MMP16: variants seen among roughly 807,000 people sequenced by gnomAD.
MMP16 encodes the protein matrix metallopeptidase 16, also known as matrix metalloproteinase-16.
In MMP16, 12 loss-of-function variants were observed where a neutral mutation model predicts 67.8. The observed-to-expected ratio is 0.18, with a 90% CI of 0.11 to 0.29. The LOEUF is 0.29. Among genes scored for constraint, MMP16 ranks in the 10% least tolerant of loss-of-function variants. The probability of loss-of-function intolerance (pLI) is 1.00; values close to 1 mark genes in which losing one functional copy is unlikely to be tolerated. For synonymous variants in MMP16, 249 were observed against 255.9 expected, an observed-to-expected ratio of 0.97 and a Z score of 0.26; for missense variants, 475 against 765.7, an observed-to-expected ratio of 0.62 and a Z score of 4.48.
At chr8:88,205,700 T>C (rs1809415410) in intron 1 of MMP16, among the ~76,000 whole-genome samples, 1 of 152,194 alleles carries the variant, frequency 6.6e-6, no homozygotes, top group Non-Finnish European at 1.5e-5. Flanking sequence ...TTTCTTACTA[T>C]AGTCTCAAGG....
At chr8:88,286,345 T>C (rs1397627320) in intron 1 of MMP16, among the ~76,000 whole-genome samples, 1 of 152,190 alleles carries the variant, frequency 6.6e-6, no homozygotes, top group African/African-American at 2.4e-5. Context: ...TTGGCTTTGG[T>C]TACCTCCTGA....
Position 88,033,455 on chromosome 8 carries a change from G to A in MMP16, c.*8006C>T, listed in dbSNP as rs1808011906. On this transcript the variant is annotated 3_prime_UTR_variant, in exon 10 of 10. Transcript: ENST00000286614. ...ACGTTTTAAAATATCTTAAAGATAG[G>A]TTACTATACTGATGAAGCAGGCAAG... is the stretch of plus-strand genomic sequence containing the variant. The A allele has an allele frequency of 6.6e-6, 1 of 151,604 alleles. No individual in the cohort carries two copies. Among genetic ancestry groups the A allele is most frequent in the African/African-American group, 2.4e-5 (1 of 41,318 alleles). The allele number at this position is 151,604 out of a possible 1,614,324, so 9.4% of individuals were successfully genotyped here.
chr8:88,220,093 A>G (rs1011542593), intron 1 of MMP16, among the ~76,000 whole-genome samples: 3 of 152,142 alleles, frequency 2.0e-5, no homozygotes, highest in African/African-American at 7.2e-5. Flanking sequence ...GCATTATATC[A>G]GTTAACTGAT....
At position 88,237,675 on chromosome 8, in the gene MMP16, C is replaced by CAA. The variant is rs1350446170; in HGVS notation, c.133-40371_133-40370dup. 6.7e-4 allele frequency among the ~76,000 whole-genome samples: 6 copies of CAA among 8,952 alleles called. No homozygotes were observed. The Non-Finnish European group carries it at 0.024, about 36-fold the overall frequency. The allele number at this position is 8,952 out of a possible 152,430, so 5.9% of individuals were successfully genotyped here. On this transcript the variant is annotated intron_variant, in intron 1 of 9. Coordinates refer to ENST00000286614, the MANE Select transcript of MMP16 (RefSeq NM_005941.5). ...AAAAACAGAACAACAACAACAACAACAACAACAAAAAACAACTGCATCTTG... is the reference window on the plus strand; with the variant it reads ...AAAAACAGAACAACAACAACAACAACAAAACAACAAAAAACAACTGCATCTTG...
intron 3 of MMP16, among the ~76,000 whole-genome samples, chr8:88,185,361 A>C (rs2129751106): frequency 6.6e-6 from 1 of 152,264 alleles, no homozygotes; most frequent in Middle Eastern, 3.4e-3. Context: ...TGGGAGGCTA[A>C]GGCAGGAGAA....
intron 6 of MMP16, among the ~76,000 whole-genome samples, chr8:88,114,309 G>T (rs1809392929): frequency 6.6e-6 from 1 of 151,096 alleles, no homozygotes; most frequent in African/African-American, 2.4e-5. Flanking sequence ...ACTTATTGCT[G>T]TACCACCCAC....
At chr8:88,081,892 CAG>C (rs1490882727) in intron 6 of MMP16, among the ~76,000 whole-genome samples, 1 of 152,072 alleles carries the variant, frequency 6.6e-6, no homozygotes, top group African/African-American at 2.4e-5. Context: ...AGCATGTATA[CAG>C]TAGCTGTTTT....
At chr8:88,114,312 C>T (rs1249440582) in intron 6 of MMP16, among the ~76,000 whole-genome samples, 3 of 151,630 alleles carry the variant, frequency 2.0e-5, no homozygotes, top group Non-Finnish European at 4.4e-5. Context: ...TATTGCTGTA[C>T]CACCCACTTC....
At chr8:88,253,869 T>A (rs1182549907) in intron 1 of MMP16, among the ~76,000 whole-genome samples, 1 of 151,910 alleles carries the variant, frequency 6.6e-6, no homozygotes, top group Admixed American at 6.6e-5. Flanking sequence ...AGAGACATGG[T>A]CTCACTGTTG....
At chr8:88,059,488 C>G (rs77621483) in intron 7 of MMP16, among the ~76,000 whole-genome samples, 1 of 151,946 alleles carries the variant, frequency 6.6e-6, no homozygotes, top group African/African-American at 2.4e-5. Flanking sequence ...ATCTGAATAC[C>G]TTTCTTATTT....
intron 1 of MMP16, among the ~76,000 whole-genome samples, chr8:88,283,470 G>A (rs964970191): frequency 6.6e-6 from 1 of 152,138 alleles, no homozygotes; most frequent in African/African-American, 2.4e-5. Flanking sequence ...CAAAGCTATT[G>A]TGAAGATTAA....
At position 88,037,847 on chromosome 8, in the gene MMP16, A is replaced by G. The variant is rs566644253; in HGVS notation, c.*3614T>C. 4 of 152,130 alleles carry G rather than the reference A, an allele frequency of 2.6e-5. No individual in the cohort carries two copies. In the South Asian group the frequency reaches 6.2e-4, roughly 24 times the overall value. 9.4% of individuals were successfully genotyped at this position (152,130 alleles called of 1,614,324 possible). On this transcript the variant is annotated 3_prime_UTR_variant, in exon 10 of 10. Transcript: ENST00000286614. ...GTTTACATTTGTGTTTATATTAGAT[A>G]AAGTAATGAGAAATGAAGCAGAAGG...
intron 1 of MMP16, among the ~76,000 whole-genome samples, chr8:88,209,392 C>T (rs1809478748): frequency 6.6e-6 from 1 of 151,956 alleles, no homozygotes; most frequent in Admixed American, 6.6e-5. Context: ...TAACATTTTC[C>T]TTTTGCTTAC....
intron 7 of MMP16, among the ~76,000 whole-genome samples, chr8:88,063,449 G>T (rs1808426095): frequency 6.8e-6 from 1 of 147,156 alleles, no homozygotes; most frequent in Non-Finnish European, 1.5e-5. Context: ...ATTAAATGCT[G>T]TTCCTATCAG....
At chr8:88,108,747 T>A (rs1237225980) in intron 6 of MMP16, among the ~76,000 whole-genome samples, 1 of 151,408 alleles carries the variant, frequency 6.6e-6, no homozygotes. Context: ...CCTAATTCCA[T>A]TGAAGTTATG....
chr8:88,292,924 C>A (rs756680388), intron 1 of MMP16, among the ~76,000 whole-genome samples: 1 of 152,028 alleles, frequency 6.6e-6, no homozygotes, highest in African/African-American at 2.4e-5. Flanking sequence ...GGGTTTTGAA[C>A]CCCTTTGAGA....
At chr8:88,148,513 T>A (rs1441438441) in intron 4 of MMP16, among the ~76,000 whole-genome samples, 1 of 152,208 alleles carries the variant, frequency 6.6e-6, no homozygotes. Context: ...GTGTATCATT[T>A]TGTCCACATC....
chr8:88,095,923 G>T (rs1482609692), intron 6 of MMP16, among the ~76,000 whole-genome samples: 3 of 151,922 alleles, frequency 2.0e-5, no homozygotes, highest in African/African-American at 7.2e-5. Flanking sequence ...AAAGCCAACT[G>T]TAACTTGTTC....
In MMP16 at chr8:88,039,802, C is replaced by T; in HGVS notation, c.*1659G>A. The T allele has an allele frequency of 6.6e-6, 1 of 152,600 alleles. No individual in the cohort carries two copies. The highest frequency in any genetic ancestry group is 1.9e-4 in the East Asian group (1 of 5,188). 9.5% of individuals were successfully genotyped at this position (152,600 alleles called of 1,614,324 possible). ...AATCAATAAAGAGGTCTGTCAGTTG[C>T]TGACTTTTCTCTAGGAAAAAAATAT... On this transcript the variant is annotated 3_prime_UTR_variant, in exon 10 of 10. Coordinates refer to ENST00000286614, the MANE Select transcript of MMP16 (RefSeq NM_005941.5). The surrounding 1 kb of genome is among the most constrained non-coding windows in gnomAD (Gnocchi z 4.5).
Sources: allele counts gnomAD v4.1 joint callset (sites outside exome capture counted in the v4.1 genomes callset), GRCh38; gene constraint gnomAD v4.1.1; non-coding constraint Gnocchi (gnomAD v3.1); transcripts MANE v1.5; gene names NCBI Gene and HGNC (gene_info 2026-07-23, HGNC 2026-07-21).